IL34: variants seen among roughly 807,000 people sequenced by gnomAD.
IL34 encodes the protein interleukin-34.
IL34 carries 17 observed loss-of-function variants against 25.3 expected under a neutral mutation model. That is an observed-to-expected ratio of 0.67 (90% CI 0.46 to 1.01). The LOEUF is 1.01. Ranked by LOEUF, IL34 falls within the 50% of genes least tolerant of loss-of-function variation. The probability of loss-of-function intolerance (pLI) is 0.00; values close to 1 mark genes in which losing one functional copy is unlikely to be tolerated. For synonymous variants in IL34, 174 were observed against 140.9 expected, an observed-to-expected ratio of 1.23 and a Z score of -1.66; for missense variants, 368 against 312.9, an observed-to-expected ratio of 1.18 and a Z score of -1.33.
rs553534731 is a variant in IL34, at chr16:70,626,750, C to A, written c.-400-19798C>A. Among the ~76,000 whole-genome samples, 39 of 152,114 alleles carry A rather than the reference C, an allele frequency of 2.6e-4. 1 individual carries two copies. The Middle Eastern group carries it at 0.014, about 54-fold the overall frequency. On this transcript the variant is annotated intron_variant, in intron 1 of 6. Coordinates refer to the IL34 transcript ENST00000429149. ...TATTATTTTATATTCAAATTTTGAT[C>A]CTTTTGGAATTTATCCTGATGTGTG...
At chr16:70,656,255 G>C (rs1433947444) in intron 2 of IL34, among the ~76,000 whole-genome samples, 1 of 152,204 alleles carries the variant, frequency 6.6e-6, no homozygotes, top group Admixed American at 6.5e-5. Flanking sequence ...TTCATCTGGA[G>C]GCCGGGCATG....
intron 4 of IL34, among the ~76,000 whole-genome samples, chr16:70,658,047 G>A (rs996067477): frequency 5.3e-5 from 8 of 152,180 alleles, no homozygotes; most frequent in African/African-American, 1.9e-4. Context: ...GTGTGCGGTG[G>A]GACCTCTCCC....
chr16:70,619,002 GGA>G (rs1340470918), intron 1 of IL34, among the ~76,000 whole-genome samples: 1 of 152,160 alleles, frequency 6.6e-6, no homozygotes, highest in Non-Finnish European at 1.5e-5. Flanking sequence ...ATTGAGGATA[GGA>G]GAGTATATGG....
intron 1 of IL34, among the ~76,000 whole-genome samples, chr16:70,650,231 T>C (rs1194186607): frequency 6.6e-6 from 1 of 152,140 alleles, no homozygotes; most frequent in Non-Finnish European, 1.5e-5. Flanking sequence ...AGGTTGGGGC[T>C]GTGCTGTCCC....
intron 1 of IL34, 29 bp downstream of exon 1, chr16:70,647,004 G>A (rs541428888): frequency 6.9e-7 from 1 of 1,439,776 alleles, no homozygotes; most frequent in South Asian, 1.5e-5. Flanking sequence ...CTAGGGACCT[G>A]CATTGGGAGG....
intron 1 of IL34, among the ~76,000 whole-genome samples, chr16:70,636,969 T>G (rs2051667775): frequency 6.6e-6 from 1 of 151,944 alleles, no homozygotes; most frequent in South Asian, 2.1e-4. Context: ...AAGTTCCGCC[T>G]CCCAGGTTCA....
At chr16:70,622,138 G>T (rs964324601) in intron 1 of IL34, among the ~76,000 whole-genome samples, 1 of 152,038 alleles carries the variant, frequency 6.6e-6, no homozygotes, top group Non-Finnish European at 1.5e-5. Context: ...TTATCAGACT[G>T]TATAGAGGGG....
chr16:70,651,461 C>T (rs770652427), intron 1 of IL34, among the ~76,000 whole-genome samples: 4 of 152,160 alleles, frequency 2.6e-5, no homozygotes, highest in Admixed American at 6.5e-5. Flanking sequence ...AGACTTGCAA[C>T]TTAGCAAAAA....
At chr16:70,626,390 G>C (rs1004180414) in intron 1 of IL34, among the ~76,000 whole-genome samples, 2 of 152,028 alleles carry the variant, frequency 1.3e-5, no homozygotes, top group African/African-American at 2.4e-5. Flanking sequence ...GTGTGGGTTT[G>C]TTTGTTTTTG....
intron 1 of IL34, among the ~76,000 whole-genome samples, chr16:70,621,990 C>A (rs1337471081): frequency 6.6e-6 from 1 of 152,008 alleles, no homozygotes; most frequent in Non-Finnish European, 1.5e-5. Context: ...TCAGTTACTT[C>A]AGGCCATCTG....
chr16:70,659,907 G>A, intron 5 of IL34, 90 bp from the exon 6 acceptor site: 2 of 1,482,394 alleles, frequency 1.3e-6, no homozygotes, highest in Non-Finnish European at 9.1e-7. Context: ...CCTGGGTAGA[G>A]TGGGGGACAA....
intron 1 of IL34, among the ~76,000 whole-genome samples, chr16:70,588,612 A>G (rs944924394): frequency 1.3e-5 from 2 of 152,360 alleles, no homozygotes; most frequent in East Asian, 3.9e-4. Context: ...ACCCATGTTC[A>G]TAGCAGCATC....
At chr16:70,595,463 G>T (rs1233189460) in intron 1 of IL34, among the ~76,000 whole-genome samples, 1 of 151,996 alleles carries the variant, frequency 6.6e-6, no homozygotes, top group Non-Finnish European at 1.5e-5. Flanking sequence ...TGGACCACAG[G>T]TGTGCACCAC....
intron 1 of IL34, among the ~76,000 whole-genome samples, chr16:70,614,463 G>T (rs1282488761): frequency 6.6e-6 from 1 of 152,212 alleles, no homozygotes. Context: ...TCTCCAGGTG[G>T]TTCTTAAGCC....
rs552874942 is a variant in IL34, at chr16:70,611,345, G to C, written c.-401+31296G>C. Among the ~76,000 whole-genome samples, 98 of 152,214 alleles carry C rather than the reference G, an allele frequency of 6.4e-4. 3 individuals carry two copies. The highest frequency in any genetic ancestry group is 3.4e-3 in the Middle Eastern group (1 of 294). ...TGAAGGGGGAGGGGCTGCCAGGTACGGCAGATTTGTGTCCTTCTCCCCGCC... is the reference window on the plus strand; with the variant it reads ...TGAAGGGGGAGGGGCTGCCAGGTACCGCAGATTTGTGTCCTTCTCCCCGCC... On this transcript the variant is annotated intron_variant, in intron 1 of 6. Transcript: ENST00000429149.
chr16:70,635,415 CA>C, intron 1 of IL34, among the ~76,000 whole-genome samples: 1 of 152,336 alleles, frequency 6.6e-6, no homozygotes, highest in South Asian at 2.1e-4. Flanking sequence ...TCTCAGGAAG[CA>C]CAAAGGCCTG....
At chr16:70,586,033 C>A (rs2050690979) in intron 1 of IL34, among the ~76,000 whole-genome samples, 1 of 151,016 alleles carries the variant, frequency 6.6e-6, no homozygotes, top group African/African-American at 2.4e-5. Context: ...AGTGTTTTAC[C>A]ATGTTAGCCA....
chr16:70,651,822 T>G (rs1183309282), intron 1 of IL34, among the ~76,000 whole-genome samples: 2 of 151,872 alleles, frequency 1.3e-5, no homozygotes, highest in East Asian at 3.9e-4. Flanking sequence ...ACATATGGAT[T>G]ATAGAACATA....
chr16:70,613,804 G>A (rs568476424), intron 1 of IL34, among the ~76,000 whole-genome samples: 32 of 151,082 alleles, frequency 2.1e-4, no homozygotes, highest in Non-Finnish European at 3.0e-4. Flanking sequence ...ATCCTGGGAG[G>A]TGGAGGTTGC....
Sources: gnomAD v4.1 joint callset for allele counts (sites outside exome capture counted in the v4.1 genomes callset) on GRCh38, gnomAD v4.1.1 for gene constraint, MANE v1.5 for transcripts, NCBI Gene and HGNC (gene_info 2026-07-23, HGNC 2026-07-21) for gene names.